LHFPL3: variants seen among roughly 807,000 people sequenced by gnomAD.
The protein encoded by LHFPL3 is LHFPL tetraspan subfamily member 3 protein.
In LHFPL3, 5 loss-of-function variants were observed where a neutral mutation model predicts 19.3. The observed-to-expected ratio is 0.26, with a 90% CI of 0.14 to 0.54. LHFPL3 has a LOEUF of 0.54. LHFPL3 is among the 20% of genes least tolerant of loss of function. The pLI is 0.94. For synonymous variants in LHFPL3, 133 were observed against 126.2 expected, an observed-to-expected ratio of 1.05 and a Z score of -0.36; for missense variants, 249 against 307.4, an observed-to-expected ratio of 0.81 and a Z score of 1.42.
chr7:104,740,100 G>T (rs113380269), intron 2 of LHFPL3, among the ~76,000 whole-genome samples: 1 of 152,008 alleles, frequency 6.6e-6, no homozygotes, highest in Non-Finnish European at 1.5e-5. Flanking sequence ...CATTTCCCCC[G>T]CTGGCACTTC....
At chr7:104,525,779 G>A (rs192379686) in intron 1 of LHFPL3, among the ~76,000 whole-genome samples, 1 of 151,996 alleles carries the variant, frequency 6.6e-6, no homozygotes, top group Non-Finnish European at 1.5e-5. Context: ...GCTAATTTTT[G>A]TATTTTTAGT....
At position 104,531,795 on chromosome 7, in the gene LHFPL3, T is replaced by C. The variant is rs77857024; in HGVS notation, c.445+202571T>C. Among the ~76,000 whole-genome samples, 1,217 of 152,330 alleles carry C rather than the reference T, an allele frequency of 8.0e-3. 13 individuals are homozygous for C. The highest frequency in any genetic ancestry group is 0.027 in the African/African-American group (1,142 of 41,580). On this transcript the variant is annotated intron_variant, in intron 1 of 2. Coordinates refer to ENST00000424859, the MANE Select transcript of LHFPL3 (RefSeq NM_199000.3). ...GACTCTGTGATACACCATGTTTTGGTGGGTTATAACCTCATTCTTCCATGG... is the reference window on the plus strand; with the variant it reads ...GACTCTGTGATACACCATGTTTTGGCGGGTTATAACCTCATTCTTCCATGG...
At chr7:104,384,634 C>T (rs901055493) in intron 1 of LHFPL3, among the ~76,000 whole-genome samples, 3 of 150,686 alleles carry the variant, frequency 2.0e-5, no homozygotes, top group Non-Finnish European at 3.0e-5. Context: ...TAAAAAAAAA[C>T]AAATTAGCCA....
At chr7:104,391,404 G>A (rs1222001987) in intron 1 of LHFPL3, among the ~76,000 whole-genome samples, 4 of 152,036 alleles carry the variant, frequency 2.6e-5, no homozygotes, top group African/African-American at 9.7e-5. Context: ...TCTACATATG[G>A]CTAGCCGGTT....
intron 1 of LHFPL3, among the ~76,000 whole-genome samples, chr7:104,715,507 A>C (rs1793369731): frequency 6.6e-6 from 1 of 152,204 alleles, no homozygotes; most frequent in Admixed American, 6.5e-5. Flanking sequence ...TTCAGCATTG[A>C]GTATGATGTT....
intron 2 of LHFPL3, among the ~76,000 whole-genome samples, chr7:104,824,406 AAT>A (rs376052818): frequency 1.1e-4 from 5 of 43,680 alleles, no homozygotes; most frequent in Admixed American, 9.8e-4. Flanking sequence ...GATAATATAT[AAT>A]ATATATTTTA....
chr7:104,367,438 T>C (rs1557689), intron 1 of LHFPL3, among the ~76,000 whole-genome samples: 36,544 of 152,126 alleles, frequency 0.24, 4,720 homozygotes, highest in African/African-American at 0.32. Flanking sequence ...ATTGTTATGT[T>C]GTTGTACTCA....
At chr7:104,527,624 G>A (rs558698327) in intron 1 of LHFPL3, among the ~76,000 whole-genome samples, 15 of 152,176 alleles carry the variant, frequency 9.9e-5, no homozygotes, top group African/African-American at 2.6e-4. Flanking sequence ...GAAGAATATC[G>A]GTAATGATCT....
chr7:104,824,753 A>G (rs1790782606), intron 2 of LHFPL3, among the ~76,000 whole-genome samples: 1 of 71,964 alleles, frequency 1.4e-5, no homozygotes, highest in Admixed American at 2.6e-4. Context: ...TTACTCATAT[A>G]TTATATATAA....
chr7:104,559,083 C>T (rs1007788457), intron 1 of LHFPL3, among the ~76,000 whole-genome samples: 14 of 147,138 alleles, frequency 9.5e-5, no homozygotes, highest in South Asian at 2.2e-4. Context: ...GTTACTGTAG[C>T]CTTTCAGTGT....
intron 1 of LHFPL3, among the ~76,000 whole-genome samples, chr7:104,589,683 C>A (rs1304949643): frequency 1.3e-4 from 20 of 152,184 alleles, no homozygotes; most frequent in African/African-American, 4.6e-4. Context: ...TTTCAGAAGG[C>A]ATGGTACCAG....
chr7:104,522,077 C>G, intron 1 of LHFPL3, among the ~76,000 whole-genome samples: 1 of 152,030 alleles, frequency 6.6e-6, no homozygotes, highest in Non-Finnish European at 1.5e-5. Context: ...GCTATAAAGA[C>G]ACATGCACAC....
intron 1 of LHFPL3, among the ~76,000 whole-genome samples, chr7:104,359,893 T>C (rs1790358600): frequency 6.6e-6 from 1 of 152,278 alleles, no homozygotes; most frequent in Non-Finnish European, 1.5e-5. Flanking sequence ...ATGTATAAGA[T>C]GTGCTAAATA....
chr7:104,848,174 G>T (rs1175704511), intron 2 of LHFPL3, among the ~76,000 whole-genome samples: 2 of 152,138 alleles, frequency 1.3e-5, no homozygotes, highest in Non-Finnish European at 2.9e-5. Context: ...GGCTGGAAGG[G>T]TTGTACAAGA....
At chr7:104,590,652 A>C (rs933368135) in intron 1 of LHFPL3, among the ~76,000 whole-genome samples, 1 of 152,186 alleles carries the variant, frequency 6.6e-6, no homozygotes, top group African/African-American at 2.4e-5. Context: ...AGCTGAGTTC[A>C]GTTCCTGGAT....
At chr7:104,609,409 T>C (rs759744359) in intron 1 of LHFPL3, among the ~76,000 whole-genome samples, 2 of 152,226 alleles carry the variant, frequency 1.3e-5, no homozygotes, top group Non-Finnish European at 2.9e-5. Context: ...TTTCTGTGCC[T>C]GAGATGTGTC....
rs1032331686 is a variant in LHFPL3 at position 104,764,918 on chromosome 7, G to A, written c.682+28007G>A. Among the ~76,000 whole-genome samples the A allele has an allele frequency of 2.0e-5, 3 of 152,298 alleles. No homozygotes were observed. The South Asian group carries it at 6.2e-4, about 32-fold the overall frequency. ...ACAGACATTAGATGACTTGTTCAAG[G>A]TCTTACATTTCATTAGCGCTCATGC... On this transcript the variant is annotated intron_variant, in intron 2 of 2. Coordinates refer to ENST00000424859, the MANE Select transcript of LHFPL3 (RefSeq NM_199000.3).
intron 1 of LHFPL3, among the ~76,000 whole-genome samples, chr7:104,425,786 T>G (rs544253367): frequency 1.3e-5 from 2 of 152,340 alleles, no homozygotes; most frequent in East Asian, 3.9e-4. Context: ...TTGGTGAAAT[T>G]ATTTCCTAGA....
chr7:104,463,813 T>G, intron 1 of LHFPL3, among the ~76,000 whole-genome samples: 1 of 152,136 alleles, frequency 6.6e-6, no homozygotes. Context: ...GAACTACAAT[T>G]CAAGATAAGA....
Sources: allele counts gnomAD v4.1 joint callset (sites outside exome capture counted in the v4.1 genomes callset), GRCh38; gene constraint gnomAD v4.1.1; transcripts MANE v1.5; gene names NCBI Gene and HGNC (gene_info 2026-07-23, HGNC 2026-07-21).